Variants in AIM2 observed in about 807,000 individuals in gnomAD.
The protein encoded by AIM2 is absent in melanoma 2.
A neutral mutation model predicts 27.7 loss-of-function variants in AIM2; 30 were observed. The observed-to-expected ratio is 1.08, with a 90% CI of 0.81 to 1.47. The LOEUF (loss-of-function observed/expected upper bound fraction) is 1.47. Ranked by LOEUF, AIM2 falls within the 40% of genes most tolerant of loss-of-function variation. The pLI is 0.00. For missense variants in AIM2, 358 were observed against 411.3 expected, an observed-to-expected ratio of 0.87 and a Z score of 1.12; for synonymous variants, 141 against 145.3, an observed-to-expected ratio of 0.97 and a Z score of 0.21.
chr1:159,095,395 G>T (rs1433009975), intron 1 of AIM2, among the ~76,000 whole-genome samples: 2 of 152,214 alleles, frequency 1.3e-5, no homozygotes, highest in Non-Finnish European at 2.9e-5. Context: ...GTGGTTGCAT[G>T]TACTTGAGCC....
chr1:159,074,266 C>G (rs1353224210), intron 1 of AIM2, among the ~76,000 whole-genome samples: 32 of 152,094 alleles, frequency 2.1e-4, no homozygotes, highest in Admixed American at 2.0e-3. Flanking sequence ...TTTCCAATCT[C>G]AAGATTAGAA....
At chr1:159,086,321 C>T (rs1299083378) in intron 1 of AIM2, among the ~76,000 whole-genome samples, 3 of 152,212 alleles carry the variant, frequency 2.0e-5, no homozygotes, top group African/African-American at 4.8e-5. Context: ...TATCTTTGTC[C>T]TCGTTGTCAG....
chr1:159,079,678 G>T (rs55719948), upstream of AIM2, among the ~76,000 whole-genome samples: 10,754 of 152,140 alleles, frequency 0.071, 699 homozygotes, highest in East Asian at 0.31. Flanking sequence ...CACCAGGGTG[G>T]ACTGAGCATG....
At chr1:159,128,301 C>T (rs574217222) in intron 1 of AIM2, among the ~76,000 whole-genome samples, 1 of 151,804 alleles carries the variant, frequency 6.6e-6, no homozygotes, top group South Asian at 2.1e-4. Flanking sequence ...CACCCCAAGC[C>T]CTGCCATTTT....
intron 1 of AIM2, among the ~76,000 whole-genome samples, chr1:159,125,648 C>A (rs1291566294): frequency 1.3e-5 from 2 of 152,206 alleles, no homozygotes; most frequent in African/African-American, 4.8e-5. Flanking sequence ...ACTCACTTCT[C>A]TGAGCCTTAG....
At chr1:159,079,443 C>T (rs774259325), upstream of AIM2, among the ~76,000 whole-genome samples, 8 of 151,878 alleles carry the variant, frequency 5.3e-5, no homozygotes, top group Admixed American at 6.6e-5. Context: ...TAAACAAGAG[C>T]GAATGGAGAA....
At chr1:159,124,123 A>G (rs1647614388) in intron 1 of AIM2, among the ~76,000 whole-genome samples, 1 of 152,090 alleles carries the variant, frequency 6.6e-6, no homozygotes, top group African/African-American at 2.4e-5. Context: ...AGAAATTCTT[A>G]CCTAATTATT....
chr1:159,116,188 T>C (rs1286407902), intron 1 of AIM2, among the ~76,000 whole-genome samples: 3 of 151,902 alleles, frequency 2.0e-5, no homozygotes, highest in African/African-American at 7.2e-5. Flanking sequence ...AAACAACAAG[T>C]GCTGGACAGG....
chr1:159,065,687 C>T lies in AIM2; in HGVS notation c.816+223G>A, dbSNP rs1340372378. Among the ~76,000 whole-genome samples the T allele has an allele frequency of 2.6e-5, 4 of 152,234 alleles. No homozygotes were observed. In the South Asian group the frequency reaches 6.2e-4, roughly 24 times the overall value. On this transcript the variant is annotated intron_variant, in intron 4 of 5. Transcript: ENST00000368130. Reference sequence around the variant, plus strand: ...GAACTAATTCCTTTTTCAGAGGCTACTGGGGTAAGTTGAAATAGGATCGTG... The same window carrying T: ...GAACTAATTCCTTTTTCAGAGGCTATTGGGGTAAGTTGAAATAGGATCGTG...
chr1:159,056,876 C>T, the AIM2 span, among the ~76,000 whole-genome samples: 7 of 151,792 alleles, frequency 4.6e-5, no homozygotes, highest in Non-Finnish European at 8.8e-5. Context: ...TCCCGTAGTA[C>T]GGAGACACAA....
intron 1 of AIM2, among the ~76,000 whole-genome samples, chr1:159,115,693 A>G (rs1647320048): frequency 6.6e-6 from 1 of 152,242 alleles, no homozygotes; most frequent in Non-Finnish European, 1.5e-5. Context: ...AAGATGGATT[A>G]AAGACTTAAA....
chr1:159,106,611 C>T (rs1256537109), intron 1 of AIM2, among the ~76,000 whole-genome samples: 1 of 152,234 alleles, frequency 6.6e-6, no homozygotes, highest in Non-Finnish European at 1.5e-5. Context: ...CAGCTGCACA[C>T]TAGGACACCA....
At chr1:159,122,485 C>T (rs1419674650) in intron 1 of AIM2, 1 of 152,326 alleles carries the variant, frequency 6.6e-6, no homozygotes, top group East Asian at 1.9e-4. Context: ...CAACTGGAAG[C>T]AAGGGAGTCT....
At chr1:159,085,362 C>T (rs917491937) in intron 1 of AIM2, among the ~76,000 whole-genome samples, 4 of 152,150 alleles carry the variant, frequency 2.6e-5, no homozygotes, top group Non-Finnish European at 4.4e-5. Context: ...CCACTAAAAA[C>T]TCATTCAAGA....
rs564727021 is a variant in AIM2, at chr1:159,088,318, T to G, written c.-15-21989A>C. 1.9e-4 allele frequency among the ~76,000 whole-genome samples: 29 copies of G among 152,266 alleles called. 2 individuals are homozygous for G. In the South Asian group the frequency reaches 6.0e-3, roughly 32 times the overall value. On this transcript the variant is annotated intron_variant, in intron 1 of 2. Transcript: ENST00000368129. ...AGTTTTTTCAATAAAAGAACATGCC[T>G]TAGAACCATGAGAGGAAGGAATGCC...
At chr1:159,075,165 A>T (rs1656545194) in intron 1 of AIM2, among the ~76,000 whole-genome samples, 1 of 152,194 alleles carries the variant, frequency 6.6e-6, no homozygotes, top group Admixed American at 6.5e-5. Flanking sequence ...TTGGTATATA[A>T]TCAAAGTGGC....
At chr1:159,129,356 T>C (rs928254124) in intron 1 of AIM2, among the ~76,000 whole-genome samples, 1 of 152,192 alleles carries the variant, frequency 6.6e-6, no homozygotes, top group African/African-American at 2.4e-5. Flanking sequence ...TTATGGCATC[T>C]CTAGAAAATT....
intron 3 of AIM2, among the ~76,000 whole-genome samples, chr1:159,067,050 A>G (rs1656135318): frequency 6.6e-6 from 1 of 152,366 alleles, no homozygotes; most frequent in African/African-American, 2.4e-5. Context: ...GTTAAATAAA[A>G]TAGGTATAGT....
downstream of AIM2, among the ~76,000 whole-genome samples, chr1:159,059,283 C>T (rs77493325): frequency 0.01 from 1,529 of 151,982 alleles, 33 homozygotes; most frequent in African/African-American, 0.035. Flanking sequence ...CACACACACA[C>T]ATATATATAT....
Sources: allele counts gnomAD v4.1 joint callset (sites outside exome capture counted in the v4.1 genomes callset), GRCh38; gene constraint gnomAD v4.1.1; transcripts MANE v1.5; gene names NCBI Gene and HGNC (gene_info 2026-07-23, HGNC 2026-07-21).